Variants in PCDH15 observed in about 807,000 individuals in gnomAD.
PCDH15 encodes the protein protocadherin related 15.
A neutral mutation model predicts 178.5 loss-of-function variants in PCDH15; 129 were observed. That is an observed-to-expected ratio of 0.72 (90% confidence interval 0.63 to 0.84). The LOEUF (loss-of-function observed/expected upper bound fraction) is 0.84, where lower values mean the gene tolerates loss of function less well. PCDH15 is among the 40% of genes least tolerant of loss of function. The pLI, the probability that PCDH15 is intolerant of heterozygous loss-of-function variation, is 0.00. For synonymous variants in PCDH15, 800 were observed against 732.0 expected (o/e 1.09, Z -1.50); for missense variants, 2,230 against 2,099.9 (o/e 1.06, Z -1.21).
intron 1 of PCDH15, among the ~76,000 whole-genome samples, chr10:55,216,126 A>C (rs1250045054): frequency 6.6e-6 from 1 of 151,780 alleles, no homozygotes; most frequent in Non-Finnish European, 1.5e-5. Flanking sequence ...AAAAATGAGG[A>C]AGCACATATA....
rs199563703 is a variant in PCDH15 at position 53,827,398 on chromosome 10, G to A, written c.4362C>T (p.Ser1454=). Residue 1454 remains serine, a synonymous_variant, in exon 32 of 38, where the codon AGC becomes AGT. Coordinates refer to ENST00000644397, the MANE Select transcript of PCDH15 (RefSeq NM_001384140.1). Reference sequence around the variant, plus strand: ...TTCCTGAACGGTCTACTTACATTGAGCTGTCTCCAAGTTCTTCATAGAGAT... The same window carrying A: ...TTCCTGAACGGTCTACTTACATTGAACTGTCTCCAAGTTCTTCATAGAGAT... ...GAHLYEELGD[S]SIWSFCWQLV... is the part of the protein sequence containing the mutation. The A allele has an allele frequency of 6.2e-7, 1 of 1,611,732 alleles. No individual in the cohort carries two copies. The highest frequency in any genetic ancestry group is 2.2e-5 in the East Asian group (1 of 44,802).
At chr10:55,524,675 T>C (rs1841264186) in intron 2 of PCDH15, among the ~76,000 whole-genome samples, 1 of 151,586 alleles carries the variant, frequency 6.6e-6, no homozygotes, top group Admixed American at 6.6e-5. Context: ...GATGAAATAT[T>C]GCATGTATTT....
At chr10:55,144,529 A>G (rs933692312) in intron 2 of PCDH15, among the ~76,000 whole-genome samples, 9 of 152,136 alleles carry the variant, frequency 5.9e-5, no homozygotes, top group African/African-American at 1.7e-4. Context: ...GACTTGGACA[A>G]AGAGGATTGA....
At chr10:53,816,610 G>C (rs1331690557) in intron 34 of PCDH15, among the ~76,000 whole-genome samples, 1 of 152,108 alleles carries the variant, frequency 6.6e-6, no homozygotes, top group Non-Finnish European at 1.5e-5. Flanking sequence ...TAAAAGTACT[G>C]TGTGTCATAT....
chr10:55,267,890 G>C (rs1842341968), intron 1 of PCDH15, among the ~76,000 whole-genome samples: 1 of 152,132 alleles, frequency 6.6e-6, no homozygotes, highest in African/African-American at 2.4e-5. Context: ...TGGTGTCCCA[G>C]ACACAATTGA....
At chr10:55,622,775 A>G (rs560695251) in intron 2 of PCDH15, among the ~76,000 whole-genome samples, 1 of 152,264 alleles carries the variant, frequency 6.6e-6, no homozygotes, top group East Asian at 1.9e-4. Flanking sequence ...CACTGGCAAA[A>G]GAAAAACCTC....
At chr10:54,183,176 G>T (rs989722093) in intron 13 of PCDH15, among the ~76,000 whole-genome samples, 2 of 152,004 alleles carry the variant, frequency 1.3e-5, no homozygotes, top group Admixed American at 6.6e-5. Context: ...AGACAGCGTT[G>T]GTCAGGCTGG....
At chr10:55,114,959 AC>A (rs1360064003) in intron 2 of PCDH15, among the ~76,000 whole-genome samples, 1 of 152,138 alleles carries the variant, frequency 6.6e-6, no homozygotes, top group African/African-American at 2.4e-5. Context: ...TAAAAAGACT[AC>A]ATTTAAAAAT....
chr10:53,964,984 T>C (rs1039010535), intron 21 of PCDH15, among the ~76,000 whole-genome samples: 3 of 152,144 alleles, frequency 2.0e-5, no homozygotes, highest in Middle Eastern at 3.2e-3. Context: ...AGTATTTTAC[T>C]ATGTATCAGA....
intron 2 of PCDH15, among the ~76,000 whole-genome samples, chr10:55,355,502 A>C (rs1845052583): frequency 6.6e-6 from 1 of 152,016 alleles, no homozygotes; most frequent in African/African-American, 2.4e-5. Flanking sequence ...GTTGTCGCAC[A>C]TATTTTCATG....
chr10:54,500,139 T>C (rs547295532), intron 3 of PCDH15, among the ~76,000 whole-genome samples: 1 of 146,498 alleles, frequency 6.8e-6, no homozygotes, highest in Non-Finnish European at 1.5e-5. Context: ...AACAACATTC[T>C]TTGCAACAAC....
chr10:53,930,457 CAAAAAAAAAAA>C (rs60673116), intron 25 of PCDH15, among the ~76,000 whole-genome samples: 4 of 50,332 alleles, frequency 7.9e-5, no homozygotes, highest in African/African-American at 8.1e-5. Flanking sequence ...GACTCCCTCT[CAAAAAAAAAAA>C]AAAAAAAAAA....
intron 2 of PCDH15, among the ~76,000 whole-genome samples, chr10:55,357,681 C>A (rs970212399): frequency 6.6e-6 from 1 of 151,868 alleles, no homozygotes; most frequent in African/African-American, 2.4e-5. Context: ...TATACATATT[C>A]ATCTATAATA....
chr10:53,995,012 T>C (rs10825186), intron 21 of PCDH15: 32,511 of 151,860 alleles, frequency 0.21, 3,697 homozygotes, highest in East Asian at 0.4. Context: ...AAAATTTAAA[T>C]CATCAGGATA....
chr10:55,394,022 A>C (rs149115358), intron 2 of PCDH15, among the ~76,000 whole-genome samples: 1 of 151,966 alleles, frequency 6.6e-6, no homozygotes, highest in East Asian at 1.9e-4. Context: ...TTGTGACCCC[A>C]TTGTGTCATA....
At chr10:55,267,802 T>G (rs1460653175) in intron 1 of PCDH15, among the ~76,000 whole-genome samples, 2 of 152,062 alleles carry the variant, frequency 1.3e-5, no homozygotes, top group Non-Finnish European at 2.9e-5. Context: ...TGAATAGAGG[T>G]TTTTGGGATT....
chr10:55,071,692 C>A (rs550386681), intron 2 of PCDH15, among the ~76,000 whole-genome samples: 21 of 151,942 alleles, frequency 1.4e-4, no homozygotes, highest in South Asian at 1.0e-3. Flanking sequence ...GATCAACGAG[C>A]CAGAAAGTTA....
chr10:54,469,964 G>T (rs1451155582), intron 3 of PCDH15, among the ~76,000 whole-genome samples: 2 of 152,166 alleles, frequency 1.3e-5, no homozygotes, highest in Non-Finnish European at 2.9e-5. Flanking sequence ...GTGCTCAGCT[G>T]CTAATAGTGT....
At chr10:54,590,699 GA>G (rs1213379803) in intron 2 of PCDH15, among the ~76,000 whole-genome samples, 1 of 152,120 alleles carries the variant, frequency 6.6e-6, no homozygotes, top group Non-Finnish European at 1.5e-5. Context: ...GTTACAGGCA[GA>G]GAGAAGAGCA....
Sources: gnomAD v4.1 joint callset for allele counts (sites outside exome capture counted in the v4.1 genomes callset) on GRCh38, gnomAD v4.1.1 for gene constraint, MANE v1.5 for transcripts, NCBI Gene and HGNC (gene_info 2026-07-23, HGNC 2026-07-21) for gene names.